STK33: variants seen among roughly 807,000 people sequenced by gnomAD.
The protein encoded by STK33 is serine/threonine kinase 33, also known as serine/threonine-protein kinase 33.
A neutral mutation model predicts 58.0 loss-of-function variants in STK33; 52 were observed. That is an observed-to-expected ratio of 0.90 (90% CI 0.72 to 1.13). STK33 has a LOEUF of 1.13. STK33 is among the 50% of genes most tolerant of loss of function. STK33 has a pLI of 0.00. For synonymous variants in STK33, 215 were observed against 200.1 expected (o/e 1.07, Z -0.63); for missense variants, 630 against 604.2 (o/e 1.04, Z -0.45).
intron 8 of STK33, among the ~76,000 whole-genome samples, chr11:8,458,445 A>C (rs1472245819): frequency 3.3e-5 from 5 of 149,556 alleles, no homozygotes; most frequent in Non-Finnish European, 7.4e-5. Context: ...AACAGGTAGC[A>C]GGCCCAATGT....
intron 1 of STK33, among the ~76,000 whole-genome samples, chr11:8,558,072 C>A (rs933684607): frequency 3.3e-5 from 5 of 152,110 alleles, no homozygotes; most frequent in African/African-American, 9.7e-5. Context: ...CAACTGCCAA[C>A]AAGGAACTAG....
intron 14 of STK33, among the ~76,000 whole-genome samples, chr11:8,429,913 A>T (rs865923918): frequency 6.6e-6 from 1 of 152,154 alleles, no homozygotes; most frequent in Non-Finnish European, 1.5e-5. Flanking sequence ...GATTCAGACT[A>T]TCTCAGGCAA....
At chr11:8,502,814 G>A (rs764577564) in intron 1 of STK33, among the ~76,000 whole-genome samples, 2 of 152,112 alleles carry the variant, frequency 1.3e-5, no homozygotes, top group African/African-American at 2.4e-5. Context: ...TAAAAAGTGG[G>A]CAAAGGACAT....
At chr11:8,515,815 C>T (rs1952727530) in intron 1 of STK33, among the ~76,000 whole-genome samples, 1 of 152,068 alleles carries the variant, frequency 6.6e-6, no homozygotes, top group South Asian at 2.1e-4. Context: ...AAACTCTCAA[C>T]AAACCAGGAA....
intron 1 of STK33, among the ~76,000 whole-genome samples, chr11:8,488,257 T>C (rs1950326619): frequency 1.3e-5 from 2 of 152,108 alleles, no homozygotes; most frequent in Non-Finnish European, 2.9e-5. Flanking sequence ...CCCAAGGCAG[T>C]TGATAACACT....
chr11:8,486,585 T>C (rs1032258836), intron 1 of STK33, among the ~76,000 whole-genome samples: 4 of 152,218 alleles, frequency 2.6e-5, no homozygotes, highest in Admixed American at 2.0e-4. Flanking sequence ...CACCTCCTTG[T>C]CTGTATCCTT....
At chr11:8,360,591 C>G in the STK33 span, among the ~76,000 whole-genome samples, 13 of 152,256 alleles carry the variant, frequency 8.5e-5, no homozygotes, top group Non-Finnish European at 1.2e-4. Flanking sequence ...AGGCAGAAAT[C>G]AAGGTGTCAG....
chr11:8,534,781 A>G (rs1287101417), intron 1 of STK33, among the ~76,000 whole-genome samples: 2 of 152,144 alleles, frequency 1.3e-5, no homozygotes, highest in Non-Finnish European at 2.9e-5. Flanking sequence ...CCAAAATGAA[A>G]TTGTTATAAT....
chr11:8,462,470 C>CATAT (rs1473021688), intron 7 of STK33, among the ~76,000 whole-genome samples: 1 of 143,352 alleles, frequency 7.0e-6, no homozygotes, highest in African/African-American at 2.7e-5. Context: ...CACACACACA[C>CATAT]ACATATATAT....
chr11:8,520,263 T>C (rs1360544507), intron 1 of STK33, among the ~76,000 whole-genome samples: 3 of 152,198 alleles, frequency 2.0e-5, no homozygotes, highest in Non-Finnish European at 2.9e-5. Flanking sequence ...TCTCAAAAGA[T>C]GCAGAAAAGG....
Position 8,575,922 on chromosome 11 carries a change from G to A in STK33, c.-466+18161C>T, listed in dbSNP as rs192192952. Among the ~76,000 whole-genome samples, 251 of 152,164 alleles carry A rather than the reference G, an allele frequency of 1.6e-3. 2 individuals carry two copies. Among genetic ancestry groups the A allele is most frequent in the African/African-American group, 5.7e-3 (238 of 41,510 alleles). On this transcript the variant is annotated intron_variant, in intron 1 of 15. Coordinates refer to ENST00000687296, the MANE Select transcript of STK33 (RefSeq NM_001352389.2). ...GAAGACTGGGAGAGACTAAATCATG[G>A]AGTACCTTACAAGTCTTAACAAGCT...
intron 1 of STK33, among the ~76,000 whole-genome samples, chr11:8,562,950 A>G (rs1435630915): frequency 6.6e-6 from 1 of 152,146 alleles, no homozygotes; most frequent in Non-Finnish European, 1.5e-5. Flanking sequence ...AAGTAAGTAA[A>G]GGGGTAGCTG....
chr11:8,372,386 C>G, the STK33 span, among the ~76,000 whole-genome samples: 6 of 145,888 alleles, frequency 4.1e-5, no homozygotes, highest in Non-Finnish European at 9.0e-5. Flanking sequence ...TGGCTCAGGC[C>G]TGGAGAAGGG....
At position 8,434,116 on chromosome 11, in the gene STK33, C is replaced by G. The variant is rs959191433; in HGVS notation, c.1146+1378G>C. 5 of 159,172 alleles carry G rather than the reference C, an allele frequency of 3.1e-5. 1 individual carries two copies. The highest frequency in any genetic ancestry group is 3.3e-4 in the South Asian group (2 of 6,146). The allele number at this position is 159,172 out of a possible 1,614,324, so 9.9% of individuals were successfully genotyped here. A position where few individuals can be genotyped will look rare whatever the true frequency, so the allele number is the denominator to read the frequency against. ...TGCATGCCTTTAGTCCCTCAGGAGGCTGAGGCAGGAGAATCACTTGAACCC... is the reference window on the plus strand; with the variant it reads ...TGCATGCCTTTAGTCCCTCAGGAGGGTGAGGCAGGAGAATCACTTGAACCC... On this transcript the variant is annotated intron_variant, in intron 14 of 15. Transcript: ENST00000687296.
intron 14 of STK33, among the ~76,000 whole-genome samples, chr11:8,423,026 G>C (rs1324733195): frequency 6.7e-6 from 1 of 149,296 alleles, no homozygotes; most frequent in Non-Finnish European, 1.5e-5. Context: ...ATTTTTTGTA[G>C]GGACAGGGTC....
intron 6 of STK33, among the ~76,000 whole-genome samples, chr11:8,469,008 G>A (rs1301247805): frequency 6.6e-6 from 1 of 152,130 alleles, no homozygotes; most frequent in Non-Finnish European, 1.5e-5. Context: ...TAATCTTTTT[G>A]CTGGTGGAGG....
the STK33 span, among the ~76,000 whole-genome samples, chr11:8,339,604 C>T: frequency 6.6e-6 from 1 of 152,192 alleles, no homozygotes; most frequent in Non-Finnish European, 1.5e-5. Flanking sequence ...GCGGCAGAGG[C>T]GCCCGGCTGG....
At chr11:8,423,308 T>A (rs1483017822) in intron 14 of STK33, among the ~76,000 whole-genome samples, 1 of 152,060 alleles carries the variant, frequency 6.6e-6, no homozygotes, top group Non-Finnish European at 1.5e-5. Flanking sequence ...GGTTTTACTC[T>A]GTTAAAATTC....
chr11:8,335,876 C>T, the STK33 span, among the ~76,000 whole-genome samples: 9 of 152,354 alleles, frequency 5.9e-5, no homozygotes, highest in Admixed American at 3.3e-4. Context: ...TCAATTCCTA[C>T]GAGCCAAGTT....
Sources: allele counts gnomAD v4.1 joint callset (sites outside exome capture counted in the v4.1 genomes callset), GRCh38; gene constraint gnomAD v4.1.1; transcripts MANE v1.5; gene names NCBI Gene and HGNC (gene_info 2026-07-23, HGNC 2026-07-21).